SCN7A: variants seen among roughly 807,000 people sequenced by gnomAD.
The protein encoded by SCN7A is sodium channel protein type 7 subunit alpha.
SCN7A carries 138 observed loss-of-function variants against 155.2 expected under a neutral mutation model. The ratio of observed to expected loss-of-function variants is 0.89; its 90% CI spans 0.77 to 1.02. The LOEUF is 1.02. Ranked by LOEUF, SCN7A falls within the 50% of genes least tolerant of loss-of-function variation. The pLI is 0.00. For missense variants in SCN7A, 2,058 were observed against 1,986.6 expected (o/e 1.04, Z -0.68); for synonymous variants, 693 against 649.0 (o/e 1.07, Z -1.03).
intron 25 of SCN7A, among the ~76,000 whole-genome samples, chr2:166,409,410 G>A (rs1162139394): frequency 1.3e-5 from 2 of 151,864 alleles, no homozygotes; most frequent in African/African-American, 4.8e-5. Context: ...CATTCACCTG[G>A]TGGCTTGTAT....
chr2:166,431,257 T>C (rs1391948967), intron 16 of SCN7A, among the ~76,000 whole-genome samples: 1 of 152,076 alleles, frequency 6.6e-6, no homozygotes, highest in Non-Finnish European at 1.5e-5. Context: ...TAAATGAATC[T>C]TAGACTATTG....
intron 22 of SCN7A, 118 bp from the exon 23 acceptor site, chr2:166,412,785 T>C (rs1027797440): frequency 8.0e-6 from 11 of 1,371,024 alleles, no homozygotes; most frequent in African/African-American, 4.6e-5. Flanking sequence ...TAAGAAACTG[T>C]TTTCTTTTTT....
chr2:166,422,116 A>C (rs540359843), intron 19 of SCN7A, among the ~76,000 whole-genome samples: 2 of 152,260 alleles, frequency 1.3e-5, no homozygotes, highest in East Asian at 1.9e-4. Context: ...CTGAAGGCTA[A>C]TTTGAAAGAG....
intron 15 of SCN7A, chr2:166,440,455 C>T (rs1033806843): frequency 5.3e-5 from 8 of 152,042 alleles, no homozygotes; most frequent in Non-Finnish European, 8.8e-5. Flanking sequence ...CCACCTCCCA[C>T]GTGATGCCAA....
At chr2:166,481,818 G>A (rs1702933995) in intron 2 of SCN7A, among the ~76,000 whole-genome samples, 1 of 152,146 alleles carries the variant, frequency 6.6e-6, no homozygotes, top group African/African-American at 2.4e-5. Flanking sequence ...CTATTTCCAA[G>A]TATCCGAATG....
chr2:166,454,370 C>CTTCT (rs950675177), intron 11 of SCN7A, among the ~76,000 whole-genome samples: 5 of 152,306 alleles, frequency 3.3e-5, no homozygotes, highest in African/African-American at 1.2e-4. Flanking sequence ...TCCACAACTG[C>CTTCT]TTCTTGTTCA....
Position 166,405,515 on chromosome 2 carries a change from C to T in SCN7A, c.*65G>A, listed in dbSNP as rs1231297708. 8.3e-7 allele frequency: 1 copy of T among 1,201,130 alleles called. No homozygotes were observed. Among genetic ancestry groups the T allele is most frequent in the Non-Finnish European group, 1.2e-6 (1 of 859,480 alleles). The allele number at this position is 1,201,130 out of a possible 1,614,324, so 74.4% of individuals were successfully genotyped here. On this transcript the variant is annotated 3_prime_UTR_variant, in exon 26 of 26. Coordinates refer to ENST00000643258, the MANE Select transcript of SCN7A (RefSeq NM_002976.4). The stretch of plus-strand genomic sequence containing the variant: ...TTATTATCTCTACTTTTCTTTTATT[C>T]CTGGCTTAGGCTTTCAACATTTTTC...
At chr2:166,414,121 A>AAATAT (rs1343418421) in intron 21 of SCN7A, among the ~76,000 whole-genome samples, 2 of 86,328 alleles carry the variant, frequency 2.3e-5, no homozygotes, top group Admixed American at 1.7e-4. Flanking sequence ...AAATATATAT[A>AAATAT]ATATATTATA....
chr2:166,436,993 T>C (rs1420362792), intron 15 of SCN7A, among the ~76,000 whole-genome samples: 2 of 152,154 alleles, frequency 1.3e-5, no homozygotes, highest in Non-Finnish European at 2.9e-5. Context: ...AAAAACCAAT[T>C]TTCTGGAGAG....
At chr2:166,469,964 A>G (rs146779842) in intron 7 of SCN7A, among the ~76,000 whole-genome samples, 4 of 152,030 alleles carry the variant, frequency 2.6e-5, no homozygotes, top group Non-Finnish European at 5.9e-5. Flanking sequence ...CTATTTCATA[A>G]CACTTCTGAA....
chr2:166,411,032 T>C (rs1701192244), intron 23 of SCN7A, among the ~76,000 whole-genome samples: 1 of 151,960 alleles, frequency 6.6e-6, no homozygotes, highest in Non-Finnish European at 1.5e-5. Context: ...AGGGTTGATA[T>C]TCGTAGAAAG....
rs1352601402 is a variant in SCN7A, at chr2:166,413,132, A to G, written c.3415-11T>C. ...TCCATTAAATGTTGCCTGTAAAAATAAAATGCATTTAAAATTTATGCTTCC... is the reference window on the plus strand; with the variant it reads ...TCCATTAAATGTTGCCTGTAAAAATGAAATGCATTTAAAATTTATGCTTCC... On this transcript the variant is annotated splice_polypyrimidine_tract_variant and intron_variant, in intron 21 of 25. Coordinates refer to ENST00000643258, the MANE Select transcript of SCN7A (RefSeq NM_002976.4). 1 of 1,472,276 alleles carries G rather than the reference A, an allele frequency of 6.8e-7. No homozygotes were observed. Among genetic ancestry groups the G allele is most frequent in the South Asian group, 1.3e-5 (1 of 77,016 alleles). The allele number at this position is 1,472,276 out of a possible 1,614,324, so 91.2% of individuals were successfully genotyped here.
chr2:166,454,344 T>C (rs146526769), intron 11 of SCN7A, among the ~76,000 whole-genome samples: 21 of 152,330 alleles, frequency 1.4e-4, no homozygotes, highest in African/African-American at 4.8e-4. Flanking sequence ...TTTTTATACA[T>C]GTTTTCTTCA....
At position 166,473,333 on chromosome 2, in the gene SCN7A, T is replaced by C. The variant is rs146938460; in HGVS notation, c.443+466A>G. On this transcript the variant is annotated intron_variant, in intron 5 of 25. Transcript: ENST00000643258. Reference sequence around the variant, plus strand: ...ATCATCATTAAGGGCATGTGTAAGATCTAATTTTATTATATATATATTCAA... The same window carrying C: ...ATCATCATTAAGGGCATGTGTAAGACCTAATTTTATTATATATATATTCAA... 1.2e-4 allele frequency among the ~76,000 whole-genome samples: 18 copies of C among 151,972 alleles called. 1 individual carries two copies. Among genetic ancestry groups the C allele is most frequent in the African/African-American group, 4.3e-4 (18 of 41,514 alleles).
chr2:166,411,833 G>T (rs1196641028), intron 23 of SCN7A, among the ~76,000 whole-genome samples: 1 of 152,074 alleles, frequency 6.6e-6, no homozygotes, highest in African/African-American at 2.4e-5. Flanking sequence ...CATGGCTAAA[G>T]TTTGATTACA....
chr2:166,406,197 T>C lies in SCN7A; in HGVS notation c.4432A>G (p.Ser1478Gly), dbSNP rs1285424623. Residue 1478 changes from serine to glycine, a missense_variant, in exon 26 of 26, where the codon AGT becomes GGT. By Grantham distance (56) the Ser-to-Gly change is moderately conservative. Coordinates refer to ENST00000643258, the MANE Select transcript of SCN7A (RefSeq NM_002976.4). The part of the protein sequence containing the change: ...NPSVGIFYFV[S>G]YILISWLIIV... ...ATCAGCCATGATATGAGGATATAAC[T>C]GACAAAATAAAAAATCCCAACAGAG... The C allele has an allele frequency of 6.2e-7, 1 of 1,612,960 alleles. No individual in the cohort carries two copies.
At chr2:166,443,059 A>G (rs1701992412) in intron 14 of SCN7A, among the ~76,000 whole-genome samples, 1 of 152,258 alleles carries the variant, frequency 6.6e-6, no homozygotes, top group Non-Finnish European at 1.5e-5. Flanking sequence ...GAGTCTCACC[A>G]TTACCCTACC....
At chr2:166,419,832 A>G (rs1300213483) in intron 20 of SCN7A, among the ~76,000 whole-genome samples, 2 of 152,166 alleles carry the variant, frequency 1.3e-5, no homozygotes, top group African/African-American at 2.4e-5. Context: ...TACAATTACT[A>G]TTTTAGATTT....
chr2:166,469,080 T>C (rs1019159400), intron 7 of SCN7A, among the ~76,000 whole-genome samples: 5 of 151,574 alleles, frequency 3.3e-5, no homozygotes, highest in Non-Finnish European at 7.4e-5. Context: ...TTAAGTTTTT[T>C]CTATTGTATA....
Sources: allele counts gnomAD v4.1 joint callset (sites outside exome capture counted in the v4.1 genomes callset), GRCh38; gene constraint gnomAD v4.1.1; transcripts MANE v1.5; gene names NCBI Gene and HGNC (gene_info 2026-07-23, HGNC 2026-07-21).